Variants in SCAPER observed in about 807,000 individuals in gnomAD.
The protein encoded by SCAPER is S phase cyclin A-associated protein in the endoplasmic reticulum.
SCAPER carries 98 observed loss-of-function variants against 182.2 expected under a neutral mutation model. The ratio of observed to expected loss-of-function variants is 0.54; its 90% confidence interval spans 0.46 to 0.64. SCAPER has a LOEUF of 0.64. SCAPER is among the 30% of genes least tolerant of loss of function. The probability of loss-of-function intolerance (pLI) is 0.00; values close to 1 mark genes in which losing one functional copy is unlikely to be tolerated. For missense variants in SCAPER, 1,432 were observed against 1,690.0 expected (o/e 0.85, Z 2.68); for synonymous variants, 605 against 564.6 (o/e 1.07, Z -1.01).
At chr15:76,429,352 G>T (rs573618759) in intron 26 of SCAPER, among the ~76,000 whole-genome samples, 5 of 152,290 alleles carry the variant, frequency 3.3e-5, no homozygotes, top group East Asian at 1.9e-4. Flanking sequence ...TTGGAACTGG[G>T]TAACAGGTAA....
At chr15:76,634,595 T>C (rs1458993623) in intron 21 of SCAPER, among the ~76,000 whole-genome samples, 1 of 152,200 alleles carries the variant, frequency 6.6e-6, no homozygotes, top group Non-Finnish European at 1.5e-5. Context: ...GTCTTTCAAT[T>C]TTTCAGGTCT....
chr15:76,801,592 A>G (rs1475063281), intron 6 of SCAPER, among the ~76,000 whole-genome samples: 1 of 152,174 alleles, frequency 6.6e-6, no homozygotes, highest in East Asian at 1.9e-4. Flanking sequence ...CTCATGAGGC[A>G]AAGAAGAGAA....
intron 28 of SCAPER, among the ~76,000 whole-genome samples, chr15:76,377,295 C>T (rs1205287661): frequency 6.6e-6 from 1 of 152,126 alleles, no homozygotes; most frequent in East Asian, 1.9e-4. Flanking sequence ...TTGTCTGTTT[C>T]ACAGCCCCAA....
chr15:76,456,613 T>A (rs563498841), intron 25 of SCAPER, among the ~76,000 whole-genome samples: 68 of 152,382 alleles, frequency 4.5e-4, no homozygotes, highest in African/African-American at 1.5e-3. Flanking sequence ...TCAAAGTGGT[T>A]GATAATGGTA....
At chr15:76,649,530 G>GA (rs1052861700) in intron 21 of SCAPER, among the ~76,000 whole-genome samples, 1 of 149,460 alleles carries the variant, frequency 6.7e-6, no homozygotes, top group African/African-American at 2.5e-5. Flanking sequence ...CCATGATATG[G>GA]AAAAAAATAT....
At chr15:76,380,279 G>A (rs2042866174) in intron 28 of SCAPER, 1 of 152,126 alleles carries the variant, frequency 6.6e-6, no homozygotes, top group South Asian at 2.1e-4. Flanking sequence ...GTATTGTGCA[G>A]TCAGTTACCT....
intron 23 of SCAPER, among the ~76,000 whole-genome samples, chr15:76,537,362 A>C (rs1008041567): frequency 1.3e-5 from 2 of 152,212 alleles, no homozygotes; most frequent in African/African-American, 4.8e-5. Flanking sequence ...ACTGGTACCA[A>C]AACAGAGATA....
intron 1 of SCAPER, among the ~76,000 whole-genome samples, chr15:76,898,141 A>G (rs1248025466): frequency 1.3e-5 from 2 of 152,218 alleles, no homozygotes. Flanking sequence ...ATGGCTAACA[A>G]GCCTATGAAA....
intron 23 of SCAPER, among the ~76,000 whole-genome samples, chr15:76,573,581 C>T (rs1315966717): frequency 1.3e-5 from 2 of 151,658 alleles, no homozygotes; most frequent in African/African-American, 4.8e-5. Flanking sequence ...TAAAAAAGTC[C>T]AATAAAATGT....
chr15:76,382,123 C>T (rs2042982736), intron 27 of SCAPER, among the ~76,000 whole-genome samples: 1 of 152,066 alleles, frequency 6.6e-6, no homozygotes, highest in African/African-American at 2.4e-5. Context: ...GCCCCTTTTC[C>T]AACATTGAGG....
At chr15:76,841,161 G>A (rs2069440211) in intron 5 of SCAPER, among the ~76,000 whole-genome samples, 1 of 152,140 alleles carries the variant, frequency 6.6e-6, no homozygotes, top group African/African-American at 2.4e-5. Context: ...TATGTGTCAA[G>A]ACAGCTTTCT....
At chr15:76,592,985 C>T (rs2049238659) in intron 22 of SCAPER, among the ~76,000 whole-genome samples, 1 of 117,730 alleles carries the variant, frequency 8.5e-6, no homozygotes, top group South Asian at 2.7e-4. Context: ...ATTCATTACC[C>T]TGGAAAGGGG....
At chr15:76,705,455 A>G (rs1351217232) in intron 18 of SCAPER, among the ~76,000 whole-genome samples, 1 of 151,586 alleles carries the variant, frequency 6.6e-6, no homozygotes, top group Non-Finnish European at 1.5e-5. Context: ...GCTAAATGAC[A>G]AATTAATGGG....
intron 22 of SCAPER, among the ~76,000 whole-genome samples, chr15:76,586,047 G>A (rs1174822540): frequency 6.6e-6 from 1 of 152,132 alleles, no homozygotes; most frequent in African/African-American, 2.4e-5. Context: ...GAATAATGCT[G>A]TAAGATCAAT....
chr15:76,808,043 TTC>T (rs1463166567), intron 5 of SCAPER, among the ~76,000 whole-genome samples: 1 of 152,126 alleles, frequency 6.6e-6, no homozygotes. Context: ...GGACTCAGTA[TTC>T]TGAGTCTCCT....
intron 22 of SCAPER, among the ~76,000 whole-genome samples, chr15:76,609,922 G>A (rs1218228077): frequency 1.3e-5 from 2 of 152,104 alleles, no homozygotes; most frequent in African/African-American, 4.8e-5. Context: ...ATGAGCATAA[G>A]AGTTGGGTTT....
chr15:76,883,978 C>A, intron 1 of SCAPER, 102 bp from the exon 2 acceptor site: 1 of 601,694 alleles, frequency 1.7e-6, no homozygotes, highest in Middle Eastern at 4.5e-4. Context: ...CATTAAACAA[C>A]AACAAAAAAA....
chr15:76,779,643 G>A (rs1452851010), intron 8 of SCAPER, among the ~76,000 whole-genome samples: 2 of 151,670 alleles, frequency 1.3e-5, no homozygotes. Context: ...TTCTATGCAA[G>A]CTATTCCATA....
intron 6 of SCAPER, among the ~76,000 whole-genome samples, chr15:76,801,936 A>C (rs977047344): frequency 6.6e-6 from 1 of 151,940 alleles, no homozygotes; most frequent in Non-Finnish European, 1.5e-5. Context: ...GGGATGCCTC[A>C]GGTATATTTT....
Sources: allele counts gnomAD v4.1 joint callset (sites outside exome capture counted in the v4.1 genomes callset), GRCh38; gene constraint gnomAD v4.1.1; transcripts MANE v1.5; gene names NCBI Gene and HGNC (gene_info 2026-07-23, HGNC 2026-07-21).